Variants in NEK10 observed in about 807,000 individuals in gnomAD.
The protein encoded by NEK10 is NIMA related kinase 10, also known as serine/threonine-protein kinase Nek10.
NEK10 carries 122 observed loss-of-function variants against 159.8 expected under a neutral mutation model. The ratio of observed to expected loss-of-function variants is 0.76; its 90% confidence interval spans 0.66 to 0.89. The LOEUF is 0.89. NEK10 is among the 40% of genes least tolerant of loss of function. The pLI is 0.00. For missense variants in NEK10, 1,342 were observed against 1,323.1 expected (o/e 1.01, Z -0.22); for synonymous variants, 466 against 457.1 (o/e 1.02, Z -0.25).
chr3:27,163,501 G>A (rs376209971), intron 29 of NEK10, among the ~76,000 whole-genome samples: 5 of 151,854 alleles, frequency 3.3e-5, no homozygotes, highest in African/African-American at 4.8e-5. Context: ...ACAGGTGCCC[G>A]CCACCACGCC....
intron 22 of NEK10, among the ~76,000 whole-genome samples, chr3:27,277,770 C>T (rs2041875654): frequency 2.0e-5 from 3 of 152,192 alleles, no homozygotes; most frequent in Admixed American, 1.3e-4. Context: ...AGGAATGCAT[C>T]CACATCCTGC....
intron 30 of NEK10, among the ~76,000 whole-genome samples, chr3:27,154,555 A>G (rs1461282095): frequency 6.6e-6 from 1 of 152,218 alleles, no homozygotes; most frequent in Non-Finnish European, 1.5e-5. Context: ...TTAACAAAAT[A>G]CTAGCTAACA....
At chr3:27,126,666 A>G (rs997583217) in intron 32 of NEK10, among the ~76,000 whole-genome samples, 2 of 152,086 alleles carry the variant, frequency 1.3e-5, no homozygotes, top group Non-Finnish European at 1.5e-5. Context: ...CAAGATCCCC[A>G]GATGATTGAT....
chr3:27,331,875 T>G (rs115716691), intron 5 of NEK10, among the ~76,000 whole-genome samples: 6 of 152,226 alleles, frequency 3.9e-5, no homozygotes, highest in Non-Finnish European at 8.8e-5. Context: ...TTCAAATTTG[T>G]AGCAGATATC....
At chr3:27,192,730 A>T (rs1367264352) in intron 25 of NEK10, among the ~76,000 whole-genome samples, 2 of 147,460 alleles carry the variant, frequency 1.4e-5, no homozygotes, top group South Asian at 2.2e-4. Context: ...TTTTAAAAAT[A>T]AAAAAAAAGC....
chr3:27,160,699 A>C (rs1945936635), intron 30 of NEK10, among the ~76,000 whole-genome samples: 1 of 152,134 alleles, frequency 6.6e-6, no homozygotes, highest in Non-Finnish European at 1.5e-5. Context: ...TGAGGTCAGG[A>C]GTTAGAGACC....
chr3:27,118,531 C>G (rs545655686), intron 33 of NEK10, among the ~76,000 whole-genome samples: 4 of 152,330 alleles, frequency 2.6e-5, no homozygotes, highest in Non-Finnish European at 5.9e-5. Context: ...ACAGTACTGG[C>G]AGGCTCTGCT....
rs368186110 is a variant in NEK10, at chr3:27,146,772, T to C, written c.2870-5190A>G. Reference sequence around the variant, plus strand: ...GAGAAGACCAGGAAGAATTAGAAGGTCTTCGATAGCACAGGAAATGTATTG... The same window carrying C: ...GAGAAGACCAGGAAGAATTAGAAGGCCTTCGATAGCACAGGAAATGTATTG... On this transcript the variant is annotated intron_variant, in intron 30 of 35. Transcript: ENST00000691995. Among the ~76,000 whole-genome samples, 11 of 152,258 alleles carry C rather than the reference T, an allele frequency of 7.2e-5. No homozygotes were observed. The East Asian group carries it at 1.9e-3, about 27-fold the overall frequency.
At chr3:27,229,713 GA>G (rs1458144593) in intron 23 of NEK10, among the ~76,000 whole-genome samples, 1 of 152,010 alleles carries the variant, frequency 6.6e-6, no homozygotes, top group Admixed American at 6.6e-5. Context: ...CACACTTAAG[GA>G]AATACAAAAT....
intron 23 of NEK10, among the ~76,000 whole-genome samples, chr3:27,253,977 C>T (rs186761764): frequency 3.9e-5 from 6 of 152,210 alleles, no homozygotes; most frequent in African/African-American, 1.4e-4. Flanking sequence ...GCCATAAGCA[C>T]CTGGGCATAA....
At chr3:27,368,651 T>C (rs1290851105) in intron 1 of NEK10, among the ~76,000 whole-genome samples, 1 of 152,098 alleles carries the variant, frequency 6.6e-6, no homozygotes, top group African/African-American at 2.4e-5. Context: ...ATGGGGAAGA[T>C]GGCGTTCAGG....
chr3:27,214,540 A>G (rs1313626495), intron 23 of NEK10, among the ~76,000 whole-genome samples: 1 of 138,370 alleles, frequency 7.2e-6, no homozygotes, highest in East Asian at 2.0e-4. Context: ...GGCAGCTTTT[A>G]CTTTCTTTCT....
chr3:27,206,577 TC>T, intron 23 of NEK10: 2 of 984,366 alleles, frequency 2.0e-6, no homozygotes, highest in Non-Finnish European at 2.4e-6. Context: ...CTTTACTCTC[TC>T]CTTGGATAAT....
intron 23 of NEK10, among the ~76,000 whole-genome samples, chr3:27,222,351 C>A (rs1361068306): frequency 6.6e-6 from 1 of 152,058 alleles, no homozygotes; most frequent in Admixed American, 6.6e-5. Context: ...CCAGCCTGGG[C>A]GACAGCGAGA....
chr3:27,254,681 T>G (rs2149316226), intron 23 of NEK10, among the ~76,000 whole-genome samples: 1 of 152,192 alleles, frequency 6.6e-6, no homozygotes, highest in African/African-American at 2.4e-5. Flanking sequence ...TTTAAAAGAA[T>G]AAGAAGTTGA....
At chr3:27,206,511 T>C (rs954813393) in intron 23 of NEK10, 4 of 844,120 alleles carry the variant, frequency 4.7e-6, no homozygotes, top group East Asian at 2.5e-4. Flanking sequence ...TCAGATACCA[T>C]ATAATGACCC....
intron 23 of NEK10, among the ~76,000 whole-genome samples, chr3:27,254,184 G>GT (rs1241849333): frequency 3.9e-5 from 6 of 152,148 alleles, no homozygotes; most frequent in Admixed American, 1.3e-4. Flanking sequence ...TGAGATTTTG[G>GT]TTTTTTTCAA....
chr3:27,364,100 G>A lies in NEK10; in HGVS notation c.-38+5125C>T, dbSNP rs112320167. Among the ~76,000 whole-genome samples, 619 of 151,920 alleles carry A rather than the reference G, an allele frequency of 4.1e-3. 3 individuals are homozygous for A. The highest frequency in any genetic ancestry group is 6.8e-3 in the Non-Finnish European group (462 of 67,964). On this transcript the variant is annotated intron_variant, in intron 1 of 35. Transcript: ENST00000691995. ...TAAGTATTAACTTTTTTGTGTGTGT[G>A]TGGAGAGTGCGGTCTCACTATGTCG...
At chr3:27,187,282 G>A (rs1488646209) in intron 26 of NEK10, among the ~76,000 whole-genome samples, 2 of 152,090 alleles carry the variant, frequency 1.3e-5, no homozygotes, top group Admixed American at 6.6e-5. Flanking sequence ...TGCCATCTTC[G>A]GAAGAGGACA....
Sources: allele counts gnomAD v4.1 joint callset (sites outside exome capture counted in the v4.1 genomes callset), GRCh38; gene constraint gnomAD v4.1.1; transcripts MANE v1.5; gene names NCBI Gene and HGNC (gene_info 2026-07-23, HGNC 2026-07-21).